Variants in PAM observed in about 807,000 individuals in gnomAD.
PAM encodes peptidylglycine alpha-amidating monooxygenase.
PAM carries 72 observed loss-of-function variants against 122.1 expected under a neutral mutation model. That is an observed-to-expected ratio of 0.59 (90% CI 0.49 to 0.72). The LOEUF is 0.72. Ranked by LOEUF, PAM falls within the 30% of genes least tolerant of loss-of-function variation. The pLI is 0.00. For missense variants in PAM, 1,106 were observed against 1,183.7 expected, an observed-to-expected ratio of 0.93 and a Z score of 0.96; for synonymous variants, 389 against 404.4, an observed-to-expected ratio of 0.96 and a Z score of 0.46.
intron 18 of PAM, 25 bp from the exon 19 acceptor site, chr5:103,006,775 TA>T: frequency 1.3e-6 from 2 of 1,541,892 alleles, no homozygotes; most frequent in Non-Finnish European, 8.9e-7. Flanking sequence ...GAAAAGTAGG[TA>T]AGGCTTTTGT....
In PAM at chr5:102,959,914, G is replaced by C; in HGVS notation, c.945G>C (p.Met315Ile). 2.5e-6 allele frequency: 4 copies of C among 1,612,582 alleles called. No homozygotes were observed. Among genetic ancestry groups the C allele is most frequent in the Non-Finnish European group, 3.4e-6 (4 of 1,178,864 alleles). Residue 315 changes from methionine (M) to isoleucine (I), a missense_variant, in exon 13 of 26, where the codon ATG becomes ATC. Met to Ile is a conservative substitution (Grantham distance 10). Around this residue, in one of 3 missense-constraint regions of PAM, gnomAD observed 670 missense variants for 690.3 expected, o/e 0.97. Coordinates refer to ENST00000438793, the MANE Select transcript of PAM (RefSeq NM_001177306.2). ...SSDEMCNLYI[M>I]YYMEAKHAVS... ...ATGAAATGTGCAACTTATACATTAT[G>C]TATTACATGGAAGCCAAGCATGCAG...
intron 8 of PAM, among the ~76,000 whole-genome samples, chr5:102,947,961 T>G (rs969830031): frequency 1.3e-5 from 2 of 152,168 alleles, no homozygotes; most frequent in African/African-American, 4.8e-5. Context: ...CCAAAGGCAA[T>G]TCACAGGCAG....
intron 3 of PAM, among the ~76,000 whole-genome samples, chr5:102,888,441 TAAATC>T (rs1159831633): frequency 1.3e-5 from 2 of 152,032 alleles, no homozygotes; most frequent in Admixed American, 1.3e-4. Flanking sequence ...AATTCTAATT[TAAATC>T]AAATTAATAT....
chr5:102,946,618 G>C (rs924708120), intron 7 of PAM, among the ~76,000 whole-genome samples: 67 of 149,520 alleles, frequency 4.5e-4, no homozygotes, highest in African/African-American at 1.6e-3. Flanking sequence ...AAATACCATA[G>C]ACTGCATGAA....
chr5:102,909,486 A>C (rs891098299), intron 4 of PAM, among the ~76,000 whole-genome samples: 3 of 151,922 alleles, frequency 2.0e-5, no homozygotes, highest in African/African-American at 4.8e-5. Flanking sequence ...AACTCAAACT[A>C]TGCTCACATA....
At chr5:103,014,832 G>A (rs1562251555) in intron 21 of PAM, among the ~76,000 whole-genome samples, 2 of 152,140 alleles carry the variant, frequency 1.3e-5, no homozygotes, top group Non-Finnish European at 2.9e-5. Flanking sequence ...AATACACATT[G>A]TCATTCCCCA....
intron 14 of PAM, among the ~76,000 whole-genome samples, chr5:102,967,401 T>C (rs3776865): frequency 1.3e-5 from 2 of 152,340 alleles, no homozygotes; most frequent in East Asian, 3.9e-4. Flanking sequence ...AATGGGAAAT[T>C]ACTGCAGCCT....
intron 3 of PAM, among the ~76,000 whole-genome samples, chr5:102,872,015 AT>A (rs1389034744): frequency 6.6e-6 from 1 of 152,098 alleles, no homozygotes; most frequent in Non-Finnish European, 1.5e-5. Flanking sequence ...AAAGCCTTAT[AT>A]TAATTGAATT....
chr5:102,971,041 A>AATG (rs1765672656), intron 14 of PAM, among the ~76,000 whole-genome samples: 1 of 152,176 alleles, frequency 6.6e-6, no homozygotes, highest in Non-Finnish European at 1.5e-5. Flanking sequence ...TCCTGACCTC[A>AATG]AGTAATCCGC....
chr5:102,893,475 G>T (rs1795311557), intron 3 of PAM, among the ~76,000 whole-genome samples: 1 of 151,728 alleles, frequency 6.6e-6, no homozygotes, highest in South Asian at 2.1e-4. Flanking sequence ...TTACAAATAT[G>T]TAAAACCTGA....
intron 1 of PAM, among the ~76,000 whole-genome samples, chr5:102,774,568 G>A (rs154635): frequency 0.45 from 67,818 of 151,904 alleles, 15,562 homozygotes; most frequent in African/African-American, 0.55. Context: ...TATGATACAG[G>A]GTAAGAAGTC....
intron 1 of PAM, among the ~76,000 whole-genome samples, chr5:102,829,462 C>T (rs749916301): frequency 1.3e-5 from 2 of 151,356 alleles, no homozygotes; most frequent in Admixed American, 6.6e-5. Flanking sequence ...AGCTCCGCCT[C>T]CCCGGCTCAC....
At chr5:102,958,685 G>A (rs901584552) in intron 12 of PAM, among the ~76,000 whole-genome samples, 1 of 152,152 alleles carries the variant, frequency 6.6e-6, no homozygotes, top group African/African-American at 2.4e-5. Flanking sequence ...TCCCATGGCA[G>A]GGGCTTATTC....
At chr5:102,855,270 A>G (rs1243555220) in intron 1 of PAM, among the ~76,000 whole-genome samples, 1 of 152,216 alleles carries the variant, frequency 6.6e-6, no homozygotes, top group South Asian at 2.1e-4. Flanking sequence ...ATGTTTTTCA[A>G]TTCTATAATA....
intron 1 of PAM, among the ~76,000 whole-genome samples, chr5:102,814,522 T>TCC (rs1561518728): frequency 8.1e-5 from 12 of 148,992 alleles, no homozygotes; most frequent in African/African-American, 3.0e-4. Flanking sequence ...TCTCTCCCTC[T>TCC]CTCTATATAT....
At chr5:102,905,346 A>G (rs1799223374) in intron 4 of PAM, among the ~76,000 whole-genome samples, 1 of 151,630 alleles carries the variant, frequency 6.6e-6, no homozygotes. Context: ...GTCCCTATCT[A>G]TCAAATTGCA....
chr5:102,915,267 T>G (rs1802758994), intron 5 of PAM, among the ~76,000 whole-genome samples: 2 of 152,128 alleles, frequency 1.3e-5, no homozygotes, highest in African/African-American at 4.8e-5. Context: ...TAGCCTGATG[T>G]GAGTCAAGCA....
chr5:102,998,776 C>T (rs921325962), intron 16 of PAM, among the ~76,000 whole-genome samples: 1 of 152,042 alleles, frequency 6.6e-6, no homozygotes, highest in Non-Finnish European at 1.5e-5. Context: ...GGTTTTAACT[C>T]TTAATAGCAG....
chr5:102,786,779 C>G (rs2149942226), intron 1 of PAM, among the ~76,000 whole-genome samples: 1 of 152,178 alleles, frequency 6.6e-6, no homozygotes, highest in East Asian at 1.9e-4. Flanking sequence ...TAGTCAGTAG[C>G]AAATCAATAA....
Sources: gnomAD v4.1 joint callset for allele counts (sites outside exome capture counted in the v4.1 genomes callset) on GRCh38, gnomAD v4.1.1 for gene constraint, gnomAD v4.1.1 regional missense constraint, MANE v1.5 for transcripts, NCBI Gene and HGNC (gene_info 2026-07-23, HGNC 2026-07-21) for gene names.